C1orf141: variants seen among roughly 807,000 people sequenced by gnomAD.
C1orf141 encodes uncharacterized protein C1orf141.
A neutral mutation model predicts 23.2 loss-of-function variants in C1orf141; 19 were observed. The ratio of observed to expected loss-of-function variants is 0.82; its 90% confidence interval spans 0.57 to 1.20. The LOEUF is 1.20. Ranked by LOEUF, C1orf141 falls within the 50% of genes most tolerant of loss-of-function variation. The pLI is 0.00. For missense variants in C1orf141, 469 were observed against 455.1 expected, an observed-to-expected ratio of 1.03 and a Z score of -0.28; for synonymous variants, 153 against 154.6, an observed-to-expected ratio of 0.99 and a Z score of 0.08.
upstream of C1orf141, among the ~76,000 whole-genome samples, chr1:67,139,370 G>A (rs897709234): frequency 1.3e-5 from 2 of 152,120 alleles, no homozygotes; most frequent in Admixed American, 6.5e-5. Context: ...CAAAAAGCAG[G>A]TACATGAAAC....
intron 1 of C1orf141, among the ~76,000 whole-genome samples, chr1:67,132,523 A>C (rs1646533627): frequency 6.8e-6 from 1 of 147,206 alleles, no homozygotes; most frequent in South Asian, 2.1e-4. Flanking sequence ...CTCCATTTCA[A>C]AAAAAAAAAA....
chr1:67,120,492 C>T (rs10889655), intron 4 of C1orf141, among the ~76,000 whole-genome samples: 56,999 of 151,882 alleles, frequency 0.38, 11,745 homozygotes, highest in South Asian at 0.55. Context: ...TGCATCCCCC[C>T]CTTCAAATTC....
At chr1:67,105,547 G>A (rs1267514375) in intron 5 of C1orf141, among the ~76,000 whole-genome samples, 3 of 151,862 alleles carry the variant, frequency 2.0e-5, no homozygotes, top group East Asian at 1.9e-4. Context: ...CTGATTCAAC[G>A]TAGCTGAGTA....
intron 4 of C1orf141, 53 bp downstream of exon 4, chr1:67,125,699 C>CAAAA (rs772345509): frequency 6.5e-7 from 1 of 1,528,822 alleles, no homozygotes; most frequent in East Asian, 2.3e-5. Context: ...CCTTGTTTCA[C>CAAAA]AAACAAACAA....
chr1:67,141,146 C>G (rs1296926566), intron 1 of C1orf141, among the ~76,000 whole-genome samples: 1 of 152,048 alleles, frequency 6.6e-6, no homozygotes, highest in Non-Finnish European at 1.5e-5. Context: ...AAGCTTTATA[C>G]ACAGAATGAT....
intron 5 of C1orf141, among the ~76,000 whole-genome samples, chr1:67,101,533 C>T (rs543882638): frequency 6.7e-6 from 1 of 149,368 alleles, no homozygotes; most frequent in African/African-American, 2.5e-5. Context: ...AGAATATTCT[C>T]TACTGGCTCT....
intron 5 of C1orf141, chr1:67,103,426 T>G: frequency 8.6e-7 from 1 of 1,165,194 alleles, no homozygotes; most frequent in Non-Finnish European, 1.1e-6. Flanking sequence ...AAACTATTTC[T>G]TTCCGTGTAT....
In C1orf141 at chr1:67,128,348, G is replaced by A. The variant is rs1164954393; in HGVS notation, c.-17-1091C>T. On this transcript the variant is annotated intron_variant, in intron 2 of 7. Transcript: ENST00000684719. ...AAGAATCCAGGAATATCAACCCAAA[G>A]CTCCCTTTATTTATTTATTTATTTA... is the stretch of plus-strand genomic sequence containing the variant. 6.7e-5 allele frequency among the ~76,000 whole-genome samples: 10 copies of A among 150,234 alleles called. No homozygotes were observed. In the East Asian group the frequency reaches 1.8e-3, roughly 27 times the overall value.
intron 4 of C1orf141, among the ~76,000 whole-genome samples, chr1:67,117,039 T>A (rs1234479760): frequency 6.6e-6 from 1 of 152,242 alleles, no homozygotes; most frequent in Non-Finnish European, 1.5e-5. Context: ...GATTGTAAAC[T>A]CTGAGGGCAC....
At chr1:67,112,923 T>C (rs1646107466) in intron 5 of C1orf141, among the ~76,000 whole-genome samples, 1 of 152,072 alleles carries the variant, frequency 6.6e-6, no homozygotes, top group African/African-American at 2.4e-5. Flanking sequence ...GAGGGGAAAA[T>C]ATATATTCCT....
chr1:67,135,906 CAAA>C (rs59519661), upstream of C1orf141, among the ~76,000 whole-genome samples: 24 of 62,588 alleles, frequency 3.8e-4, no homozygotes, highest in African/African-American at 1.7e-3. Flanking sequence ...GGCAAAACTG[CAAA>C]AAAAAAAAAA....
intron 5 of C1orf141, among the ~76,000 whole-genome samples, chr1:67,107,952 T>C (rs1346824867): frequency 1.3e-5 from 2 of 152,080 alleles, no homozygotes; most frequent in African/African-American, 4.8e-5. Flanking sequence ...AGGCTACCAG[T>C]CAAACTGCCT....
chr1:67,104,707 A>G (rs115900478), intron 5 of C1orf141, among the ~76,000 whole-genome samples: 1,595 of 152,318 alleles, frequency 0.01, 20 homozygotes, highest in African/African-American at 0.036. Context: ...AGTTCTTTTT[A>G]TAAGCTGGCA....
rs76817529 is a variant in C1orf141, at chr1:67,110,936, A to G, written c.346+4416T>C. Among the ~76,000 whole-genome samples the G allele has an allele frequency of 3.0e-3, 448 of 148,836 alleles. 13 individuals carry two copies. In the East Asian group the frequency reaches 0.068, roughly 23 times the overall value. On this transcript the variant is annotated intron_variant, in intron 5 of 7. Coordinates refer to ENST00000684719, the MANE Select transcript of C1orf141 (RefSeq NM_001276351.2). ...CTTTATATATATATTATATATATAT[A>G]AAATACAAAAATTAATACTTAAGAG...
At chr1:67,141,160 T>A (rs1646633629) in intron 1 of C1orf141, among the ~76,000 whole-genome samples, 1 of 152,200 alleles carries the variant, frequency 6.6e-6, no homozygotes, top group East Asian at 1.9e-4. Flanking sequence ...GAATGATTCT[T>A]TTAAGACAAA....
intron 5 of C1orf141, among the ~76,000 whole-genome samples, chr1:67,108,374 G>A (rs1645982006): frequency 6.6e-6 from 1 of 152,056 alleles, no homozygotes; most frequent in African/African-American, 2.4e-5. Flanking sequence ...CATTCGTGAG[G>A]GCTCTGCCCC....
chr1:67,134,700 G>C (rs76505600), intron 1 of C1orf141, among the ~76,000 whole-genome samples: 2,623 of 152,116 alleles, frequency 0.017, 91 homozygotes, highest in African/African-American at 0.06. Flanking sequence ...AGATGCAAAG[G>C]GTTCTTCCGC....
chr1:67,096,076 A>G (rs1645673989), intron 6 of C1orf141, 176 bp downstream of exon 6: 2 of 408,356 alleles, frequency 4.9e-6, no homozygotes, highest in Non-Finnish European at 8.9e-6. Context: ...CCATTTAACA[A>G]TACTCAAGGT....
intron 7 of C1orf141, 52 bp from the exon 8 acceptor site, chr1:67,093,656 G>C (rs1206471967): frequency 7.3e-7 from 1 of 1,376,236 alleles, no homozygotes; most frequent in South Asian, 1.6e-5. Context: ...AGTCAAGAAA[G>C]CTCCATATAT....
Sources: gnomAD v4.1 joint callset for allele counts (sites outside exome capture counted in the v4.1 genomes callset) on GRCh38, gnomAD v4.1.1 for gene constraint, MANE v1.5 for transcripts, NCBI Gene and HGNC (gene_info 2026-07-23, HGNC 2026-07-21) for gene names.